ZFAT: variants seen among roughly 807,000 people sequenced by gnomAD.
ZFAT encodes zinc finger protein ZFAT.
Under a neutral mutation model 117.7 loss-of-function variants are expected in ZFAT, and 64 were observed. That is an observed-to-expected ratio of 0.54 (90% CI 0.44 to 0.67). ZFAT has a LOEUF of 0.67. Among genes scored for constraint, ZFAT ranks in the 30% least tolerant of loss-of-function variants. The probability of loss-of-function intolerance (pLI) is 0.00; values close to 1 mark genes in which losing one functional copy is unlikely to be tolerated. For missense variants in ZFAT, 1,433 were observed against 1,584.5 expected, an observed-to-expected ratio of 0.90 and a Z score of 1.62; for synonymous variants, 679 against 615.0, an observed-to-expected ratio of 1.10 and a Z score of -1.54.
At position 134,583,842 on chromosome 8, in the gene ZFAT, G is replaced by A. The variant is rs778831173; in HGVS notation, c.2877C>T (p.His959=). The part of the protein sequence containing the change: ...KGTLKSHKLL[H]TADGKQFKCT... ...GGGCCATTTACTCACCATCTGCAGTGTGAAGGAGTTTGTGACTTTTCAGTG... is the reference window on the plus strand; with the variant it reads ...GGGCCATTTACTCACCATCTGCAGTATGAAGGAGTTTGTGACTTTTCAGTG... The change falls in exon 10 of 16, where the codon CAC becomes CAT. Residue 959 remains histidine, a synonymous_variant. Coordinates refer to ENST00000377838, the MANE Select transcript of ZFAT (RefSeq NM_020863.4). 29 of 1,613,698 alleles carry A rather than the reference G, an allele frequency of 1.8e-5. No individual in the cohort carries two copies. Among genetic ancestry groups the A allele is most frequent in the Non-Finnish European group, 2.3e-5 (27 of 1,179,804 alleles).
intron 1 of ZFAT, among the ~76,000 whole-genome samples, chr8:134,681,164 T>C (rs780347124): frequency 6.6e-6 from 1 of 152,150 alleles, no homozygotes; most frequent in Non-Finnish European, 1.5e-5. Context: ...AATGTGCCCA[T>C]CTCTGCTGGG....
rs1013831969 is a variant in ZFAT at position 134,478,422 on chromosome 8, C to T, written c.*60G>A. On this transcript the variant is annotated 3_prime_UTR_variant, in exon 16 of 16. Transcript: ENST00000377838. This position sits in a 1 kb window ranked among gnomAD's most constrained non-coding sequence, Gnocchi z 5.2. ...TAGGGCAGGAAGGGTGGCCTCCCCA[C>T]CCTGGGTGCCTGCAGAGCCTGGCAG... The T allele has an allele frequency of 2.9e-5, 44 of 1,525,400 alleles. No individual in the cohort carries two copies. The highest frequency in any genetic ancestry group is 4.0e-4 in the Middle Eastern group (2 of 5,006). 94.5% of individuals were successfully genotyped at this position (1,525,400 alleles called of 1,614,324 possible). A position where few individuals can be genotyped will look rare whatever the true frequency, so the allele number is the denominator to read the frequency against.
Position 134,670,489 on chromosome 8 carries a change from C to T in ZFAT, c.20-12752G>A, listed in dbSNP as rs182160365. Among the ~76,000 whole-genome samples, 360 of 152,344 alleles carry T rather than the reference C, an allele frequency of 2.4e-3. 1 individual carries two copies. Among genetic ancestry groups the T allele is most frequent in the South Asian group, 0.019 (93 of 4,828 alleles). ...AACTACATGGAAACTGAACAACCTG[C>T]TCCTGAATGACTACTGAGTACATAA... On this transcript the variant is annotated intron_variant, in intron 1 of 15. Coordinates refer to ENST00000377838, the MANE Select transcript of ZFAT (RefSeq NM_020863.4).
intron 2 of ZFAT, among the ~76,000 whole-genome samples, chr8:134,644,130 GC>G (rs1405076621): frequency 6.6e-6 from 1 of 152,156 alleles, no homozygotes; most frequent in African/African-American, 2.4e-5. Flanking sequence ...CTGCCTTTTT[GC>G]CTATTTGCCA....
intron 3 of ZFAT, among the ~76,000 whole-genome samples, chr8:134,619,278 A>C (rs568184272): frequency 2.6e-5 from 4 of 152,086 alleles, no homozygotes; most frequent in African/African-American, 7.2e-5. Context: ...TAGTAATAAA[A>C]AATAGAAACA....
chr8:134,780,966 G>C, the ZFAT span, among the ~76,000 whole-genome samples: 1 of 152,090 alleles, frequency 6.6e-6, no homozygotes, highest in Admixed American at 6.5e-5. Context: ...CAGGGTACTA[G>C]TAATACTTTT....
At chr8:134,503,822 A>G (rs906028998) in intron 15 of ZFAT, among the ~76,000 whole-genome samples, 3 of 152,074 alleles carry the variant, frequency 2.0e-5, no homozygotes, top group Non-Finnish European at 4.4e-5. Flanking sequence ...GAGTCACACC[A>G]TTGGCTCTCC....
At chr8:134,567,020 A>G (rs529891267) in intron 10 of ZFAT, among the ~76,000 whole-genome samples, 1 of 152,220 alleles carries the variant, frequency 6.6e-6, no homozygotes, top group South Asian at 2.1e-4. Context: ...CTTGCATATA[A>G]CTGACCCTAA....
the ZFAT span, chr8:134,796,543 C>T: frequency 4.6e-5 from 7 of 152,094 alleles, no homozygotes; most frequent in African/African-American, 1.7e-4. Context: ...AATAATGTTC[C>T]TTCTCCTGCA....
intron 2 of ZFAT, among the ~76,000 whole-genome samples, chr8:134,649,144 C>A (rs73369152): frequency 4.6e-4 from 67 of 147,000 alleles, no homozygotes; most frequent in African/African-American, 1.7e-3. Flanking sequence ...CTTCCTTAAC[C>A]TAATGAAGAA....
intron 1 of ZFAT, among the ~76,000 whole-genome samples, chr8:134,699,282 T>C (rs551301525): frequency 1.3e-5 from 2 of 152,020 alleles, no homozygotes; most frequent in Admixed American, 6.5e-5. Flanking sequence ...TAAGGAACAA[T>C]AAGGCTCAAA....
intron 1 of ZFAT, among the ~76,000 whole-genome samples, chr8:134,659,838 C>T (rs1161055001): frequency 6.6e-6 from 1 of 152,212 alleles, no homozygotes; most frequent in Non-Finnish European, 1.5e-5. Flanking sequence ...GCACTGGAGT[C>T]CCAGGAGCAA....
chr8:134,720,370 G>A, the ZFAT span, among the ~76,000 whole-genome samples: 3 of 152,236 alleles, frequency 2.0e-5, no homozygotes, highest in African/African-American at 7.2e-5. Flanking sequence ...CAGTTTCAGG[G>A]AGGGTTTTGA....
chr8:134,654,720 G>A (rs992899723), intron 2 of ZFAT, among the ~76,000 whole-genome samples: 2 of 152,208 alleles, frequency 1.3e-5, no homozygotes, highest in Non-Finnish European at 2.9e-5. Context: ...CAAGGCCCAA[G>A]GCAAGAAAGC....
intron 1 of ZFAT, among the ~76,000 whole-genome samples, chr8:134,705,931 T>C (rs1191574784): frequency 6.6e-6 from 1 of 152,072 alleles, no homozygotes; most frequent in Non-Finnish European, 1.5e-5. Context: ...CCCAACATCA[T>C]TGGTCATCAG....
At position 134,521,011 on chromosome 8, in the gene ZFAT, C is replaced by A. The variant is rs1470399257; in HGVS notation, c.3116-10G>T. 1 of 1,601,094 alleles carries A rather than the reference C, an allele frequency of 6.2e-7. No individual in the cohort carries two copies. The highest frequency in any genetic ancestry group is 8.5e-7 in the Non-Finnish European group (1 of 1,172,106). On this transcript the variant is annotated splice_polypyrimidine_tract_variant and intron_variant, in intron 12 of 15. Transcript: ENST00000377838. ...GGACACTTCAAACCACCTGAAAGCA[C>A]AGACAGAGGTTAAAAAAAAAATGTG...
the ZFAT span, among the ~76,000 whole-genome samples, chr8:134,831,732 T>TC: frequency 6.6e-6 from 1 of 150,412 alleles, no homozygotes; most frequent in Non-Finnish European, 1.5e-5. Flanking sequence ...CCATACCCTG[T>TC]CGCCGCGGCT....
the ZFAT span, among the ~76,000 whole-genome samples, chr8:134,756,197 C>T: frequency 9.4e-3 from 1,429 of 152,336 alleles, 7 homozygotes; most frequent in Middle Eastern, 0.017. Context: ...TGCTCTAGAC[C>T]TCAACATCCC....
intron 11 of ZFAT, among the ~76,000 whole-genome samples, chr8:134,561,638 C>A (rs911438135): frequency 1.4e-4 from 21 of 152,140 alleles, no homozygotes; most frequent in African/African-American, 4.6e-4. Flanking sequence ...TATTCCCTAA[C>A]ACAAATCATA....
Sources: allele counts gnomAD v4.1 joint callset (sites outside exome capture counted in the v4.1 genomes callset), GRCh38; gene constraint gnomAD v4.1.1; non-coding constraint Gnocchi (gnomAD v3.1); transcripts MANE v1.5; gene names NCBI Gene and HGNC (gene_info 2026-07-23, HGNC 2026-07-21).